The following DAB1 variants were observed in gnomAD, a reference collection of about 807,000 sequenced individuals.
DAB1 encodes the protein DAB adaptor protein 1.
A neutral mutation model predicts 64.6 loss-of-function variants in DAB1; 15 were observed. The ratio of observed to expected loss-of-function variants is 0.23; its 90% CI spans 0.16 to 0.36. The LOEUF (loss-of-function observed/expected upper bound fraction) is 0.36. Ranked by LOEUF, DAB1 falls within the 10% of genes least tolerant of loss-of-function variation. The pLI is 1.00. For synonymous variants in DAB1, 235 were observed against 251.9 expected (o/e 0.93, Z 0.64); for missense variants, 596 against 706.7 (o/e 0.84, Z 1.78).
intron 3 of DAB1, among the ~76,000 whole-genome samples, chr1:58,447,282 C>T (rs568377028): frequency 6.2e-4 from 95 of 152,170 alleles, no homozygotes; most frequent in Non-Finnish European, 1.2e-3. Flanking sequence ...GAAATAATGG[C>T]GCATTTCAAA....
At chr1:58,258,215 G>A (rs1323522739) in intron 4 of DAB1, among the ~76,000 whole-genome samples, 2 of 152,124 alleles carry the variant, frequency 1.3e-5, no homozygotes, top group African/African-American at 4.8e-5. Flanking sequence ...CAGCCTCACA[G>A]GCAGTGAGGA....
intron 2 of DAB1, among the ~76,000 whole-genome samples, chr1:57,231,709 A>G (rs574956449): frequency 6.6e-6 from 1 of 152,308 alleles, no homozygotes; most frequent in Non-Finnish European, 1.5e-5. Flanking sequence ...GTAGTAAGTG[A>G]TGGTATCAGC....
At chr1:57,957,452 T>A (rs1385747608) in intron 5 of DAB1, among the ~76,000 whole-genome samples, 2 of 152,210 alleles carry the variant, frequency 1.3e-5, no homozygotes, top group African/African-American at 4.8e-5. Flanking sequence ...AGTTTGGTTT[T>A]GAACATATTG....
At chr1:57,871,749 T>G (rs555882806) in intron 1 of DAB1, among the ~76,000 whole-genome samples, 1 of 152,304 alleles carries the variant, frequency 6.6e-6, no homozygotes, top group South Asian at 2.1e-4. Context: ...TATCAGAATT[T>G]TATAGAATCC....
chr1:58,286,326 A>G (rs754405077), intron 4 of DAB1, among the ~76,000 whole-genome samples: 17 of 152,248 alleles, frequency 1.1e-4, no homozygotes, highest in Admixed American at 5.9e-4. Context: ...GGATCTAATT[A>G]AACTAAAGAG....
intron 6 of DAB1, among the ~76,000 whole-genome samples, chr1:57,813,536 G>T (rs764535456): frequency 5.3e-5 from 8 of 152,186 alleles, no homozygotes; most frequent in African/African-American, 1.7e-4. Flanking sequence ...CTCACAATGC[G>T]GTAAGTGCTT....
chr1:57,720,017 G>C (rs1647132013), intron 6 of DAB1, among the ~76,000 whole-genome samples: 1 of 152,138 alleles, frequency 6.6e-6, no homozygotes, highest in Non-Finnish European at 1.5e-5. Context: ...TGTGGGGTTA[G>C]GCTTCAATGG....
intron 4 of DAB1, among the ~76,000 whole-genome samples, chr1:58,279,941 G>C (rs1028033652): frequency 7.9e-5 from 12 of 152,082 alleles, no homozygotes; most frequent in Non-Finnish European, 1.5e-5. Context: ...TTTGGAATTG[G>C]ACTCTGTCAT....
intron 3 of DAB1, among the ~76,000 whole-genome samples, chr1:58,404,144 G>A (rs1366947063): frequency 6.6e-6 from 1 of 152,102 alleles, no homozygotes; most frequent in Non-Finnish European, 1.5e-5. Flanking sequence ...CAGGGGAGTG[G>A]TGAGACATGT....
chr1:57,659,978 A>AAACT (rs148942627), intron 6 of DAB1, among the ~76,000 whole-genome samples: 1 of 138,724 alleles, frequency 7.2e-6, no homozygotes, highest in Non-Finnish European at 1.5e-5. Flanking sequence ...CTCTCTCTCA[A>AAACT]AAATAAATAA....
chr1:58,178,303 C>T (rs776434498), intron 4 of DAB1, among the ~76,000 whole-genome samples: 4 of 152,142 alleles, frequency 2.6e-5, no homozygotes, highest in South Asian at 2.1e-4. Flanking sequence ...AACACACATA[C>T]GCACATGCAC....
chr1:57,553,667 T>A (rs1644954012), intron 7 of DAB1, among the ~76,000 whole-genome samples: 1 of 151,764 alleles, frequency 6.6e-6, no homozygotes, highest in Non-Finnish European at 1.5e-5. Flanking sequence ...CAGGATCCTT[T>A]CTCTTAAATA....
At chr1:57,356,970 G>A (rs989111031) in intron 1 of DAB1, among the ~76,000 whole-genome samples, 2 of 151,838 alleles carry the variant, frequency 1.3e-5, no homozygotes, top group African/African-American at 4.8e-5. Flanking sequence ...ATCCCTTTGT[G>A]CTTCAACTAT....
chr1:57,131,532 C>T (rs972438253), intron 4 of DAB1, among the ~76,000 whole-genome samples: 9 of 152,184 alleles, frequency 5.9e-5, no homozygotes, highest in Admixed American at 1.3e-4. Context: ...GCAGCCTCCT[C>T]AGCTTTTTCC....
At chr1:57,140,841 G>A (rs1570765545) in intron 3 of DAB1, among the ~76,000 whole-genome samples, 1 of 152,166 alleles carries the variant, frequency 6.6e-6, no homozygotes. Context: ...TCTCGATGGA[G>A]GACGTTACAT....
chr1:57,654,129 G>A (rs1050632327), intron 6 of DAB1, among the ~76,000 whole-genome samples: 1 of 152,080 alleles, frequency 6.6e-6, no homozygotes, highest in Non-Finnish European at 1.5e-5. Flanking sequence ...TGGCCATTTA[G>A]GTTTTCCCTT....
intron 5 of DAB1, among the ~76,000 whole-genome samples, chr1:58,084,189 C>T (rs1650165440): frequency 6.6e-6 from 1 of 152,006 alleles, no homozygotes; most frequent in Admixed American, 6.6e-5. Context: ...ATTGCTTGCC[C>T]CTCATAGCAT....
intron 3 of DAB1, among the ~76,000 whole-genome samples, chr1:58,459,037 G>A (rs1645218770): frequency 6.6e-6 from 1 of 152,168 alleles, no homozygotes; most frequent in Non-Finnish European, 1.5e-5. Flanking sequence ...GGTAGCTGTT[G>A]TTTTGGATAA....
chr1:57,518,654 G>A (rs748617659), intron 7 of DAB1, among the ~76,000 whole-genome samples: 2 of 152,116 alleles, frequency 1.3e-5, no homozygotes, highest in African/African-American at 2.4e-5. Flanking sequence ...GCAAGCTCTC[G>A]TGTGTCCTGC....
Sources: gnomAD v4.1 joint callset for allele counts (sites outside exome capture counted in the v4.1 genomes callset) on GRCh38, gnomAD v4.1.1 for gene constraint, MANE v1.5 for transcripts, NCBI Gene and HGNC (gene_info 2026-07-23, HGNC 2026-07-21) for gene names.